Variants in SIGIRR observed in about 807,000 individuals in gnomAD.
SIGIRR encodes single Ig and TIR domain containing.
SIGIRR carries 41 observed loss-of-function variants against 45.6 expected under a neutral mutation model. That is an observed-to-expected ratio of 0.90 (90% confidence interval 0.70 to 1.17). The LOEUF is 1.17. SIGIRR is among the 50% of genes most tolerant of loss of function. SIGIRR has a pLI of 0.00. For missense variants in SIGIRR, 599 were observed against 539.6 expected, an observed-to-expected ratio of 1.11 and a Z score of -1.09; for synonymous variants, 298 against 239.0, an observed-to-expected ratio of 1.25 and a Z score of -2.28.
At chr11:408,998 G>T in intron 2 of SIGIRR, 105 bp from the exon 3 acceptor site, 1 of 1,022,344 alleles carries the variant, frequency 9.8e-7, no homozygotes. Context: ...GTGTGGCTTG[G>T]CAGTCACACC....
In SIGIRR at chr11:407,489, C is replaced by T. The variant is rs755016689; in HGVS notation, c.561G>A (p.Pro187=). Residue 187 remains proline, a synonymous_variant, in exon 6 of 10, where the codon CCG becomes CCA. Transcript: ENST00000431843. The part of the protein sequence containing the change: ...DRKFVNFILK[P]QLERRRGYKL... ...TGTAGCCCCGACGCCGCTCCAGCTG[C>T]GGCTTTAGGATGAAGTTCACGAACT... 2 of 1,595,672 alleles carry T rather than the reference C, an allele frequency of 1.3e-6. No homozygotes were observed. Among genetic ancestry groups the T allele is most frequent in the Non-Finnish European group, 1.7e-6 (2 of 1,171,910 alleles).
In SIGIRR at chr11:406,434, C is replaced by G; in HGVS notation, c.984G>C (p.Lys328Asn). ...GDPQTQLQDD[K>N]DPMLILRGRV... ...GGCCTCGAAGAATCAGCATGGGGTC[C>G]TTGTCGTCCTGCAGCTGCGTCTGGG... Residue 328 changes from lysine to asparagine, a missense_variant, in exon 9 of 10, where the codon AAG becomes AAC. Lys to Asn is a moderately conservative substitution (Grantham distance 94, BLOSUM62 0). Coordinates refer to ENST00000431843, the MANE Select transcript of SIGIRR (RefSeq NM_001135054.2). 1 of 1,612,772 alleles carries G rather than the reference C, an allele frequency of 6.2e-7. No homozygotes were observed. Among genetic ancestry groups the G allele is most frequent in the East Asian group, 2.2e-5 (1 of 44,880 alleles).
Position 407,936 on chromosome 11 carries a change from G to C in SIGIRR, c.362C>G (p.Ala121Gly). 6.2e-7 allele frequency: 1 copy of C among 1,609,846 alleles called. No homozygotes were observed. The highest frequency in any genetic ancestry group is 8.5e-7 in the Non-Finnish European group (1 of 1,178,356). ...QRAGPTSHVA[A>G]VLASLLVLLA... Reference sequence around the variant, plus strand: ...CAGGACCAGGAGGGAGGCCAGCACCGCAGCCACGTGGCTTGTAGGGCCTGC... The same window carrying C: ...CAGGACCAGGAGGGAGGCCAGCACCCCAGCCACGTGGCTTGTAGGGCCTGC... Residue 121 changes from alanine to glycine, a missense_variant, in exon 5 of 10, where the codon GCG becomes GGG. Coordinates refer to ENST00000431843, the MANE Select transcript of SIGIRR (RefSeq NM_001135054.2).
chr11:406,510 A>C lies in SIGIRR; in HGVS notation c.908T>G (p.Val303Gly). 6.2e-7 allele frequency: 1 copy of C among 1,610,138 alleles called. No homozygotes were observed. The highest frequency in any genetic ancestry group is 1.3e-5 in the African/African-American group (1 of 74,988). ...VTPSSDFWKE[V>G]QLALPRKVQY... ...CACCTTCCGCGGCAGCGCCAGCTGC[A>C]CTTCTTTCCAAAAATCGGAGGAAGG... The change falls in exon 9 of 10, where the codon GTG becomes GGG. Residue 303 changes from valine (V) to glycine (G), a missense_variant. Val to Gly is a moderately radical substitution (Grantham distance 109). Transcript: ENST00000431843.
chr11:410,670 G>A (rs1590381556), intron 1 of SIGIRR, among the ~76,000 whole-genome samples: 3 of 78,486 alleles, frequency 3.8e-5, no homozygotes, highest in Non-Finnish European at 7.5e-5. Flanking sequence ...GCCGGGGGGG[G>A]TGCCCAGCTC....
intron 5 of SIGIRR, 21 bp from the exon 6 acceptor site, chr11:407,589 C>T: frequency 6.2e-7 from 1 of 1,602,570 alleles, no homozygotes; most frequent in Non-Finnish European, 8.5e-7. Context: ...CGGCCAGTCA[C>T]CCCGATGGCT....
chr11:408,826 G>A lies in SIGIRR; in HGVS notation c.75C>T (p.Gly25=). The A allele has an allele frequency of 1.2e-6, 2 of 1,612,806 alleles. No individual in the cohort carries two copies. The highest frequency in any genetic ancestry group is 8.5e-7 in the Non-Finnish European group (1 of 1,179,992). The part of the protein sequence containing the change: ...SEDQVLRPAL[G]SSVALNCTAW... The stretch of plus-strand genomic sequence containing the variant: ...CCGTGCAGTTCAGAGCCACTGAGCT[G>A]CCCAAGGCAGGCCTCAGCACCTGGT... Residue 25 remains glycine (G), a synonymous_variant, in exon 3 of 10, where the codon GGC becomes GGT. Coordinates refer to ENST00000431843, the MANE Select transcript of SIGIRR (RefSeq NM_001135054.2).
At chr11:414,686 C>T (rs201118204) in intron 1 of SIGIRR, 137 bp downstream of exon 1, 70 of 516,910 alleles carry the variant, frequency 1.4e-4, no homozygotes, top group African/African-American at 8.9e-4. Context: ...GCCGCTGATG[C>T]GACACAGCCT....
intron 8 of SIGIRR, 37 bp downstream of exon 8, chr11:406,803 CCCG>C (rs1564886915): frequency 2.0e-6 from 3 of 1,478,300 alleles, no homozygotes; most frequent in Non-Finnish European, 2.7e-6. Flanking sequence ...CCATCTCTAA[CCCG>C]CCGCTAGCCC....
At chr11:415,143 C>T (rs1234299853), upstream of SIGIRR, 3 of 152,526 alleles carry the variant, frequency 2.0e-5, no homozygotes, top group Admixed American at 6.5e-5. The surrounding 1 kb of genome is among the most constrained non-coding windows in gnomAD (Gnocchi z 6.6). Context: ...AGCTCTGAGT[C>T]AAGCGGCTCC....
At chr11:411,558 A>G (rs1480945248) in intron 1 of SIGIRR, among the ~76,000 whole-genome samples, 19 of 25,140 alleles carry the variant, frequency 7.6e-4, no homozygotes, top group African/African-American at 8.9e-4. Flanking sequence ...GCAGTCGGGG[A>G]GGGGGGTGCC....
Position 405,989 on chromosome 11 carries a change from G to T in SIGIRR, c.1140C>A (p.Ser380Arg), listed in dbSNP as rs1847274129. 2 of 1,611,892 alleles carry T rather than the reference G, an allele frequency of 1.2e-6. No homozygotes were observed. Among genetic ancestry groups the T allele is most frequent in the Non-Finnish European group, 1.7e-6 (2 of 1,179,592 alleles). Residue 380 changes from serine to arginine, a missense_variant, in exon 10 of 10, where the codon AGC becomes AGA. Transcript: ENST00000431843. ...PHTSGVSLGESRSSEVDVSDL... is the reference protein window; with the variant it reads ...PHTSGVSLGERRSSEVDVSDL... ...CCGAGACGTCCACTTCGCTGCTCCG[G>T]CTCTCTCCCAGCGAGACCCCACTGG... is the stretch of plus-strand genomic sequence containing the variant.
At chr11:410,160 G>A (rs111895097) in intron 1 of SIGIRR, 133 bp from the exon 2 acceptor site, 9 of 778,568 alleles carry the variant, frequency 1.2e-5, no homozygotes, top group African/African-American at 9.0e-5. Context: ...AGTTCTCGGA[G>A]GCCAGCAGGG....
intron 2 of SIGIRR, chr11:409,225 C>A: frequency 2.1e-6 from 1 of 468,472 alleles, no homozygotes; most frequent in Non-Finnish European, 4.1e-6. Flanking sequence ...ACCTGTTGCC[C>A]ACCCCTGGTG....
intron 2 of SIGIRR, 94 bp downstream of exon 2, chr11:409,774 C>T (rs1847504385): frequency 1.5e-6 from 2 of 1,309,160 alleles, no homozygotes; most frequent in Admixed American, 3.8e-5. Context: ...GGCAGAGTGC[C>T]TGGGATAAGA....
chr11:407,783 G>C (rs1295544163), intron 5 of SIGIRR, 34 bp downstream of exon 5: 1 of 1,610,818 alleles, frequency 6.2e-7, no homozygotes, highest in Non-Finnish European at 8.5e-7. Context: ...AGGCCGTGGC[G>C]ACCCCTCCTC....
Position 408,059 on chromosome 11 carries a change from G to T in SIGIRR, c.340+14C>A. ...GGTCCCCTTCTACCCTCCACCTTGG[G>T]GAACCCCCATCACCAGCTCTCTGAA... On this transcript the variant is annotated intron_variant, in intron 4 of 9. Coordinates refer to ENST00000431843, the MANE Select transcript of SIGIRR (RefSeq NM_001135054.2). The T allele has an allele frequency of 6.2e-7, 1 of 1,612,542 alleles. No homozygotes were observed. The highest frequency in any genetic ancestry group is 8.5e-7 in the Non-Finnish European group (1 of 1,179,844).
Position 414,898 on chromosome 11 carries a change from T to C in SIGIRR, c.-229A>G, listed in dbSNP as rs1483914061. 3.0e-6 allele frequency: 3 copies of C among 985,354 alleles called. No homozygotes were observed. Among genetic ancestry groups the C allele is most frequent in the Non-Finnish European group, 3.6e-6 (3 of 829,954 alleles). The allele number at this position is 985,354 out of a possible 1,614,324, so 61.0% of individuals were successfully genotyped here. ...TTTGGGAGCAAACTCTCCCCTTCGC[T>C]GGGCCCCAGGGAGTGTCCACAGCAC... On this transcript the variant is annotated 5_prime_UTR_variant, in exon 1 of 10. Coordinates refer to ENST00000431843, the MANE Select transcript of SIGIRR (RefSeq NM_001135054.2).
At chr11:412,806 GA>G (rs1847726409) in intron 1 of SIGIRR, among the ~76,000 whole-genome samples, 1 of 152,098 alleles carries the variant, frequency 6.6e-6, no homozygotes, top group Non-Finnish European at 1.5e-5. Context: ...AACACCTCGG[GA>G]AACACCTCGG....
Sources: allele counts gnomAD v4.1 joint callset (sites outside exome capture counted in the v4.1 genomes callset), GRCh38; gene constraint gnomAD v4.1.1; non-coding constraint Gnocchi (gnomAD v3.1); transcripts MANE v1.5; gene names NCBI Gene and HGNC (gene_info 2026-07-23, HGNC 2026-07-21).